Variants in GBA2 observed in about 807,000 individuals in gnomAD.
GBA2 encodes non-lysosomal glucosylceramidase.
GBA2 carries 79 observed loss-of-function variants against 112.9 expected under a neutral mutation model. That is an observed-to-expected ratio of 0.70 (90% CI 0.58 to 0.84). GBA2 has a LOEUF of 0.84. Ranked by LOEUF, GBA2 falls within the 40% of genes least tolerant of loss-of-function variation. GBA2 has a pLI of 0.00. For missense variants in GBA2, 1,043 were observed against 1,190.0 expected (o/e 0.88, Z 1.82); for synonymous variants, 403 against 434.3 (o/e 0.93, Z 0.90).
rs747614179 is a variant in GBA2, at chr9:35,739,839, T to G, written c.1410-39A>C. 9 of 1,597,094 alleles carry G rather than the reference T, an allele frequency of 5.6e-6. No individual in the cohort carries two copies. The East Asian group carries it at 2.0e-4, about 36-fold the overall frequency. On this transcript the variant is annotated intron_variant, in intron 8 of 16. Transcript: ENST00000378103. ...AGGAGGAAATGGTTTAAGGAACATG[T>G]ACCTCCCAAGATGGAAAGGATTTGG...
rs1044894174 is a variant in GBA2 at position 35,746,307 on chromosome 9, G to A, written c.360-1601C>T. Among the ~76,000 whole-genome samples the A allele has an allele frequency of 2.6e-5, 4 of 152,348 alleles. No individual in the cohort carries two copies. Among genetic ancestry groups the A allele is most frequent in the African/African-American group, 7.2e-5 (3 of 41,566 alleles). On this transcript the variant is annotated intron_variant, in intron 1 of 16. Transcript: ENST00000378103. This position sits in a 1 kb window ranked among gnomAD's most constrained non-coding sequence, Gnocchi z 5.2. ...AATGTGATTAATGAATAGGGACAGC[G>A]GCCAGGCACGGTGGCTCACACCTGT...
chr9:35,748,527 A>G lies in GBA2; in HGVS notation c.178T>C (p.Cys60Arg). The change falls in exon 1 of 17, where the codon TGC becomes CGC. Residue 60 changes from cysteine to arginine, a missense_variant. Physicochemically the swap from Cys to Arg is radical, Grantham distance 180 (BLOSUM62 -3). Transcript: ENST00000378103. ...DSRPPKETDC[C>R]NPEDSGQLMV... ...AGCTGCCCAGAGTCCTCCGGATTGC[A>G]GCAGTCCGTCTCTTTTGGGGGTCGG... 6.2e-7 allele frequency: 1 copy of G among 1,614,206 alleles called. No individual in the cohort carries two copies. Among genetic ancestry groups the G allele is most frequent in the South Asian group, 1.1e-5 (1 of 91,086 alleles).
chr9:35,738,510 A>G lies in GBA2; in HGVS notation c.2054+16T>C. On this transcript the variant is annotated intron_variant, in intron 13 of 16. Transcript: ENST00000378103. ...GTTTCTCACCTCAGGCCTCCTGGAA[A>G]CCCCTACCCGCTAACCTGGGGCCTG... is the stretch of plus-strand genomic sequence containing the variant. 1 of 1,602,322 alleles carries G rather than the reference A, an allele frequency of 6.2e-7. No homozygotes were observed. Among genetic ancestry groups the G allele is most frequent in the South Asian group, 1.1e-5 (1 of 90,822 alleles).
intron 1 of GBA2, 130 bp from the exon 2 acceptor site, chr9:35,744,836 C>T (rs1826894522): frequency 4.6e-6 from 3 of 656,202 alleles, no homozygotes; most frequent in African/African-American, 1.8e-5. Flanking sequence ...CTTTCTTCCT[C>T]TTGATTTCTA....
chr9:35,740,265 T>A lies in GBA2; in HGVS notation c.1227A>T (p.Ser409=), dbSNP rs150324584. The change falls in exon 7 of 17, where the codon TCA becomes TCT. Residue 409 remains serine, a synonymous_variant. Transcript: ENST00000378103. This position sits in a 1 kb window ranked among gnomAD's most constrained non-coding sequence, Gnocchi z 4.7. ...RPRGQCRLEF[S]LAWDMPRIMF... is the part of the protein sequence containing the mutation. ...TGATCCTGGGCATGTCCCAAGCCAG[T>A]GAAAACTCCAGGCGGCACTGGCCTC... 2.9e-5 allele frequency: 47 copies of A among 1,614,074 alleles called. No individual in the cohort carries two copies. The African/African-American group carries it at 5.2e-4, about 18-fold the overall frequency.
At position 35,740,274 on chromosome 9, in the gene GBA2, C is replaced by T; in HGVS notation, c.1218G>A (p.Leu406=). 1 of 1,614,166 alleles carries T rather than the reference C, an allele frequency of 6.2e-7. No homozygotes were observed. The change falls in exon 7 of 17, where the codon CTG becomes CTA. Residue 406 remains leucine, a synonymous_variant. Coordinates refer to ENST00000378103, the MANE Select transcript of GBA2 (RefSeq NM_020944.3). The surrounding 1 kb of genome is among the most constrained non-coding windows in gnomAD (Gnocchi z 4.7). ...GCATGTCCCAAGCCAGTGAAAACTC[C>T]AGGCGGCACTGGCCTCGAGGTCGCA... ...SKLRPRGQCR[L]EFSLAWDMPR...
intron 1 of GBA2, among the ~76,000 whole-genome samples, chr9:35,748,087 T>C (rs570951873): frequency 1.3e-5 from 2 of 152,352 alleles, no homozygotes; most frequent in African/African-American, 2.4e-5. Flanking sequence ...AGAGCCTGAA[T>C]GGGAAAGGCT....
chr9:35,740,403 A>G lies in GBA2; in HGVS notation c.1130-41T>C, dbSNP rs1264654715. 1 of 1,606,260 alleles carries G rather than the reference A, an allele frequency of 6.2e-7. No individual in the cohort carries two copies. Among genetic ancestry groups the G allele is most frequent in the Admixed American group, 1.7e-5 (1 of 59,760 alleles). On this transcript the variant is annotated intron_variant, in intron 6 of 16. Coordinates refer to ENST00000378103, the MANE Select transcript of GBA2 (RefSeq NM_020944.3). The surrounding 1 kb of genome is among the most constrained non-coding windows in gnomAD (Gnocchi z 4.7). ...GAGAATTCAGGACAGGAGCCCCTTC[A>G]GCCCCAGGGATAGGGATCCCTAACA... is the stretch of plus-strand genomic sequence containing the variant.
chr9:35,740,646 A>T lies in GBA2; in HGVS notation c.1027-18T>A. On this transcript the variant is annotated intron_variant, in intron 5 of 16. Coordinates refer to ENST00000378103, the MANE Select transcript of GBA2 (RefSeq NM_020944.3). The surrounding 1 kb of genome is among the most constrained non-coding windows in gnomAD (Gnocchi z 4.7). Reference sequence around the variant, plus strand: ...GTAGCTGCCTGTGAAGGGGTCAGGGACTGTGAGGGCAGGCTCCACGAGTAC... The same window carrying T: ...GTAGCTGCCTGTGAAGGGGTCAGGGTCTGTGAGGGCAGGCTCCACGAGTAC... 1 of 1,590,410 alleles carries T rather than the reference A, an allele frequency of 6.3e-7. No homozygotes were observed. The highest frequency in any genetic ancestry group is 8.6e-7 in the Non-Finnish European group (1 of 1,158,484).
In GBA2 at chr9:35,739,671, G is replaced by A. The variant is rs145651113; in HGVS notation, c.1539C>T (p.Leu513=). 5.9e-5 allele frequency: 95 copies of A among 1,614,126 alleles called. No homozygotes were observed. In the South Asian group the frequency reaches 9.4e-4, roughly 16 times the overall value. ...GACCGTAGTCCCGTAGGGTGGGGCG[G>A]AGGTGACACATGTTTCTGCCCAGCT... ...PEELGRNMCH[L]RPTLRDYGRF... Residue 513 remains leucine, a synonymous_variant, in exon 9 of 17, where the codon CTC becomes CTT. Transcript: ENST00000378103.
Position 35,741,849 on chromosome 9 carries a change from C to A in GBA2, c.609G>T (p.Gln203His). The A allele has an allele frequency of 6.2e-7, 1 of 1,614,022 alleles. No homozygotes were observed. Among genetic ancestry groups the A allele is most frequent in the Non-Finnish European group, 8.5e-7 (1 of 1,179,902 alleles). ...CLRREGQTVY[Q>H]QVLSLERPSV... ...TTGGGCGCTCCAGGGACAGGACTTG[C>A]TGGTACACAGTCTGCCCTTCCCGAC... is the stretch of plus-strand genomic sequence containing the variant. The change falls in exon 4 of 17, where the codon CAG becomes CAT. Residue 203 changes from glutamine (Q) to histidine (H), a missense_variant. Coordinates refer to ENST00000378103, the MANE Select transcript of GBA2 (RefSeq NM_020944.3). This position sits in a 1 kb window ranked among gnomAD's most constrained non-coding sequence, Gnocchi z 4.6.
Position 35,740,569 on chromosome 9 carries a change from C to A in GBA2, c.1086G>T (p.Val362=). The change falls in exon 6 of 17, where the codon GTG becomes GTT. Residue 362 remains valine, a synonymous_variant. Coordinates refer to ENST00000378103, the MANE Select transcript of GBA2 (RefSeq NM_020944.3). The surrounding 1 kb of genome is among the most constrained non-coding windows in gnomAD (Gnocchi z 4.7). ...AFDPDSTGQQ[V]WQDLLQDGQL... is the part of the protein sequence containing the mutation. ...GTCCATCCTGAAGTAGATCCTGCCA[C>A]ACCTGCTGCCCCGTGCTGTCAGGGT... 1 of 1,614,056 alleles carries A rather than the reference C, an allele frequency of 6.2e-7. No individual in the cohort carries two copies.
Position 35,746,355 on chromosome 9 carries a change from G to A in GBA2, c.360-1649C>T, listed in dbSNP as rs748270469. Among the ~76,000 whole-genome samples, 10 of 152,196 alleles carry A rather than the reference G, an allele frequency of 6.6e-5. No individual in the cohort carries two copies. The highest frequency in any genetic ancestry group is 1.9e-4 in the East Asian group (1 of 5,196). On this transcript the variant is annotated intron_variant, in intron 1 of 16. Coordinates refer to ENST00000378103, the MANE Select transcript of GBA2 (RefSeq NM_020944.3). This position sits in a 1 kb window ranked among gnomAD's most constrained non-coding sequence, Gnocchi z 5.2. Reference sequence around the variant, plus strand: ...TGTAATCCCAGCACTTTGAGAGGCCGAGGTGGGCGGATCACGTGAGGTCAG... The same window carrying A: ...TGTAATCCCAGCACTTTGAGAGGCCAAGGTGGGCGGATCACGTGAGGTCAG...
rs1221921956 is a variant in GBA2 at position 35,746,322 on chromosome 9, C to T, written c.360-1616G>A. Among the ~76,000 whole-genome samples, 1 of 152,224 alleles carries T rather than the reference C, an allele frequency of 6.6e-6. No individual in the cohort carries two copies. Among genetic ancestry groups the T allele is most frequent in the Non-Finnish European group, 1.5e-5 (1 of 68,048 alleles). ...TAGGGACAGCGGCCAGGCACGGTGGCTCACACCTGTAATCCCAGCACTTTG... is the reference window on the plus strand; with the variant it reads ...TAGGGACAGCGGCCAGGCACGGTGGTTCACACCTGTAATCCCAGCACTTTG... On this transcript the variant is annotated intron_variant, in intron 1 of 16. Transcript: ENST00000378103. This position sits in a 1 kb window ranked among gnomAD's most constrained non-coding sequence, Gnocchi z 5.2.
In GBA2 at chr9:35,738,431, G is replaced by A. The variant is rs970543034; in HGVS notation, c.2055-57C>T. The A allele has an allele frequency of 8.1e-5, 130 of 1,597,088 alleles. No individual in the cohort carries two copies. In the East Asian group the frequency reaches 1.2e-3, roughly 15 times the overall value. The stretch of plus-strand genomic sequence containing the variant: ...TGGCAGCTCCAGCTGCTCCCATGCC[G>A]TGTAATAGACAATGAGTCATTCTTT... On this transcript the variant is annotated intron_variant, in intron 13 of 16. Transcript: ENST00000378103.
Position 35,737,986 on chromosome 9 carries a change from C to T in GBA2, c.2314-47G>A, listed in dbSNP as rs765448520. On this transcript the variant is annotated intron_variant, in intron 15 of 16. Transcript: ENST00000378103. The surrounding 1 kb of genome is among the most constrained non-coding windows in gnomAD (Gnocchi z 4.1). The stretch of plus-strand genomic sequence containing the variant: ...CATGGTCTCATATACTTACTTCCCA[C>T]CTCCAGGGAAAACCCATTTTTCTCT... 1 of 1,596,744 alleles carries T rather than the reference C, an allele frequency of 6.3e-7. No homozygotes were observed. Among genetic ancestry groups the T allele is most frequent in the East Asian group, 2.2e-5 (1 of 44,586 alleles).
At position 35,744,383 on chromosome 9, in the gene GBA2, T is replaced by C. The variant is rs778928893; in HGVS notation, c.481A>G (p.Thr161Ala). ...TGGCCTCTCCAGCCACGGGTAATAG[T>C]GCCTCCCCCGATGCCACCCAAGGGA... is the stretch of plus-strand genomic sequence containing the variant. ...GCPLGGIGGG[T>A]ITRGWRGQFC... The change falls in exon 3 of 17, where the codon ACT becomes GCT. Residue 161 changes from threonine (T) to alanine (A), a missense_variant. Physicochemically the swap from Thr to Ala is moderately conservative, Grantham distance 58. Transcript: ENST00000378103. 77 of 1,611,620 alleles carry C rather than the reference T, an allele frequency of 4.8e-5. No homozygotes were observed. The highest frequency in any genetic ancestry group is 6.2e-5 in the Non-Finnish European group (73 of 1,177,868).
Position 35,741,442 on chromosome 9 carries a change from C to T in GBA2, c.786+230G>A. 3 of 555,918 alleles carry T rather than the reference C, an allele frequency of 5.4e-6. No individual in the cohort carries two copies. The highest frequency in any genetic ancestry group is 9.7e-6 in the Non-Finnish European group (3 of 310,310). 34.4% of individuals were successfully genotyped at this position (555,918 alleles called of 1,614,324 possible). ...CCCGAGTAGCTGGGACTACAGGTGC[C>T]TGCCACAACGCCCAGCTAATTTTTT... On this transcript the variant is annotated intron_variant, in intron 4 of 16. Coordinates refer to ENST00000378103, the MANE Select transcript of GBA2 (RefSeq NM_020944.3). The surrounding 1 kb of genome is among the most constrained non-coding windows in gnomAD (Gnocchi z 4.6).
rs1826954384 is a variant in GBA2, at chr9:35,746,070, G to T, written c.360-1364C>A. 6.6e-6 allele frequency among the ~76,000 whole-genome samples: 1 copy of T among 152,170 alleles called. No individual in the cohort carries two copies. The highest frequency in any genetic ancestry group is 1.9e-4 in the East Asian group (1 of 5,200). On this transcript the variant is annotated intron_variant, in intron 1 of 16. Transcript: ENST00000378103. The surrounding 1 kb of genome is among the most constrained non-coding windows in gnomAD (Gnocchi z 5.2). ...TCAATTCCTAATCAGACATTGCCTTGTTATTTCAATGTTCCTCATGTGAGG... is the reference window on the plus strand; with the variant it reads ...TCAATTCCTAATCAGACATTGCCTTTTTATTTCAATGTTCCTCATGTGAGG...
Sources: allele counts gnomAD v4.1 joint callset (sites outside exome capture counted in the v4.1 genomes callset), GRCh38; gene constraint gnomAD v4.1.1; non-coding constraint Gnocchi (gnomAD v3.1); transcripts MANE v1.5; gene names NCBI Gene and HGNC (gene_info 2026-07-23, HGNC 2026-07-21).